Variants in LRPPRC observed in about 807,000 individuals in gnomAD.
LRPPRC encodes the protein leucine-rich PPR motif-containing protein, mitochondrial.
A neutral mutation model predicts 180.3 loss-of-function variants in LRPPRC; 120 were observed. The observed-to-expected ratio is 0.67, with a 90% CI of 0.57 to 0.77. The LOEUF is 0.77. Among genes scored for constraint, LRPPRC ranks in the 30% least tolerant of loss-of-function variants. LRPPRC has a pLI of 0.00. For synonymous variants in LRPPRC, 723 were observed against 600.0 expected (o/e 1.21, Z -3.00); for missense variants, 2,012 against 1,657.2 (o/e 1.21, Z -3.72).
intron 12 of LRPPRC, among the ~76,000 whole-genome samples, chr2:43,963,158 T>C (rs186977379): frequency 3.1e-3 from 470 of 152,326 alleles, no homozygotes; most frequent in African/African-American, 0.011. Flanking sequence ...GAAAATTGTA[T>C]ACAGGGCCAG....
At chr2:43,988,098 G>A (rs529594954) in intron 1 of LRPPRC, among the ~76,000 whole-genome samples, 1 of 152,008 alleles carries the variant, frequency 6.6e-6, no homozygotes, top group African/African-American at 2.4e-5. Flanking sequence ...AAATAAGCCG[G>A]GCATGGTGGC....
rs916142093 is a variant in LRPPRC at position 43,984,424 on chromosome 2, G to C, written c.150-1990C>G. ...AGGCAGAAAACATGTTTATAAACTA[G>C]CACATTGTTCTGAATATTCTAGGCA... On this transcript the variant is annotated intron_variant, in intron 1 of 37. Transcript: ENST00000260665. Among the ~76,000 whole-genome samples the C allele has an allele frequency of 3.3e-5, 5 of 152,150 alleles. No homozygotes were observed. In the East Asian group the frequency reaches 7.7e-4, roughly 23 times the overall value.
At chr2:43,991,852 G>T (rs898462733) in intron 1 of LRPPRC, among the ~76,000 whole-genome samples, 9 of 152,150 alleles carry the variant, frequency 5.9e-5, no homozygotes, top group African/African-American at 1.7e-4. Context: ...TCAAGCTCAG[G>T]GTGAATTTGT....
At chr2:43,935,059 T>C (rs1672229171) in intron 23 of LRPPRC, among the ~76,000 whole-genome samples, 181 bp from the exon 24 acceptor site, 2 of 152,182 alleles carry the variant, frequency 1.3e-5, no homozygotes, top group African/African-American at 2.4e-5. Flanking sequence ...TATAAGTAAA[T>C]GTTCAGAAAA....
At position 43,979,485 on chromosome 2, in the gene LRPPRC, T is replaced by C. The variant is rs374613959; in HGVS notation, c.469+341A>G. Among the ~76,000 whole-genome samples the C allele has an allele frequency of 1.3e-4, 20 of 152,308 alleles. No homozygotes were observed. In the East Asian group the frequency reaches 2.7e-3, roughly 21 times the overall value. On this transcript the variant is annotated intron_variant, in intron 3 of 37. Coordinates refer to ENST00000260665, the MANE Select transcript of LRPPRC (RefSeq NM_133259.4). Reference sequence around the variant, plus strand: ...TACAAACAAGCTACAATGAAGAATATCCTTTTGCATATGTGAGTATATCTG... The same window carrying C: ...TACAAACAAGCTACAATGAAGAATACCCTTTTGCATATGTGAGTATATCTG...
rs1300632190 is a variant in LRPPRC, at chr2:43,995,910, C to G, written c.38G>C (p.Arg13Pro). ...ALLRSARWLL[R>P]AGAAPRLPLS... ...CGGGAGGCGCGGGGCCGCCCCGGCA[C>G]GCAGCAACCAACGCGCGGATCTCAG... Residue 13 changes from arginine (R) to proline (P), a missense_variant, in exon 1 of 38, where the codon CGT (arginine) becomes CCT (proline). By Grantham distance (103) the Arg-to-Pro change is moderately radical. Coordinates refer to ENST00000260665, the MANE Select transcript of LRPPRC (RefSeq NM_133259.4). 1.3e-6 allele frequency: 2 copies of G among 1,516,316 alleles called. No homozygotes were observed. The highest frequency in any genetic ancestry group is 1.8e-6 in the Non-Finnish European group (2 of 1,139,626). The allele number at this position is 1,516,316 out of a possible 1,614,324, so 93.9% of individuals were successfully genotyped here. A position where few individuals can be genotyped will look rare whatever the true frequency, so the allele number is the denominator to read the frequency against.
intron 27 of LRPPRC, among the ~76,000 whole-genome samples, chr2:43,918,804 TATATAG>T (rs1442867095): frequency 1.5e-5 from 2 of 136,542 alleles, no homozygotes; most frequent in Non-Finnish European, 3.0e-5. Context: ...TATATATATA[TATATAG>T]ATATATATAT....
At chr2:43,890,142 C>G (rs1192612573) in intron 36 of LRPPRC, 1 of 493,498 alleles carries the variant, frequency 2.0e-6, no homozygotes, top group Admixed American at 3.3e-5. Context: ...ATACCATTCA[C>G]TTAGGTTATT....
chr2:43,967,534 A>T (rs1348432151), intron 11 of LRPPRC, among the ~76,000 whole-genome samples: 2 of 152,166 alleles, frequency 1.3e-5, no homozygotes, highest in Non-Finnish European at 2.9e-5. Flanking sequence ...ATGTAAAAAT[A>T]ATGTTTTTAA....
At position 43,905,817 on chromosome 2, in the gene LRPPRC, A is replaced by G. The variant is rs1671050176; in HGVS notation, c.3276-37T>C. On this transcript the variant is annotated intron_variant, in intron 30 of 37. Transcript: ENST00000260665. Reference sequence around the variant, plus strand: ...AGACATTTAGAAAGGAATTACTGACATGCTTCTGATACGATAATAAATGGT... The same window carrying G: ...AGACATTTAGAAAGGAATTACTGACGTGCTTCTGATACGATAATAAATGGT... 10 of 1,189,466 alleles carry G rather than the reference A, an allele frequency of 8.4e-6. 1 individual carries two copies. The highest frequency in any genetic ancestry group is 1.1e-5 in the Non-Finnish European group (9 of 791,848). The allele number at this position is 1,189,466 out of a possible 1,614,324, so 73.7% of individuals were successfully genotyped here.
At chr2:43,976,904 G>A (rs1300644904) in intron 5 of LRPPRC, 90 bp downstream of exon 5, 2 of 1,030,438 alleles carry the variant, frequency 1.9e-6, no homozygotes, top group Non-Finnish European at 3.0e-6. Context: ...TCCTCCATTA[G>A]GAAGAAGCTT....
Position 43,945,412 on chromosome 2 carries a change from C to G in LRPPRC, c.2216G>C (p.Arg739Pro). Residue 739 changes from arginine to proline, a missense_variant, in exon 22 of 38, where the codon CGC becomes CCC. Physicochemically the swap from Arg to Pro is moderately radical, Grantham distance 103. Coordinates refer to ENST00000260665, the MANE Select transcript of LRPPRC (RefSeq NM_133259.4). ...GTCAAGGACAGCAGATGAATCTAAGCGGTCACTAAAAATTAAAGCCACATT... is the reference window on the plus strand; with the variant it reads ...GTCAAGGACAGCAGATGAATCTAAGGGGTCACTAAAAATTAAAGCCACATT... Reference protein sequence around the residue: ...DALNLKEEFDRLDSSAVLDTG... With the variant: ...DALNLKEEFDPLDSSAVLDTG... The G allele has an allele frequency of 6.2e-7, 1 of 1,605,104 alleles. No individual in the cohort carries two copies.
rs1202515342 is a variant in LRPPRC, at chr2:43,918,128, C to A, written c.3045G>T (p.Trp1015Cys). 6.2e-7 allele frequency: 1 copy of A among 1,612,608 alleles called. No homozygotes were observed. The highest frequency in any genetic ancestry group is 8.5e-7 in the Non-Finnish European group (1 of 1,178,764). Reference protein sequence around the residue: ...QEVPFDVPELWYEDEKHSLNS... With the variant: ...QEVPFDVPELCYEDEKHSLNS... ...TCAGGGAATGTTTTTCATCTTCATA[C>A]CACAACTTTAAAACAAAGTTATTCT... Residue 1015 changes from tryptophan (W) to cysteine (C), a missense_variant, in exon 29 of 38, where the codon TGG (tryptophan) becomes TGT (cysteine). Transcript: ENST00000260665.
intron 1 of LRPPRC, among the ~76,000 whole-genome samples, chr2:43,995,259 C>A (rs1674979942): frequency 6.6e-6 from 1 of 152,198 alleles, no homozygotes; most frequent in South Asian, 2.1e-4. Context: ...AAACTCCATT[C>A]AAGAGAACGC....
chr2:43,996,101 G>A (rs1204977328), upstream of LRPPRC: 2 of 635,952 alleles, frequency 3.1e-6, no homozygotes, highest in Non-Finnish European at 5.3e-6. Context: ...ATGGAAAACC[G>A]CACTTCTCCG....
In LRPPRC at chr2:43,995,802, G is replaced by A; in HGVS notation, c.146C>T (p.Ala49Val). Residue 49 changes from alanine (A) to valine (V), a missense_variant, in exon 1 of 38, where the codon GCC becomes GTC. Physicochemically the swap from Ala to Val is moderately conservative, Grantham distance 64 (BLOSUM62 0). Coordinates refer to ENST00000260665, the MANE Select transcript of LRPPRC (RefSeq NM_133259.4). Reference protein sequence around the residue: ...YLPAARAGPVAGGLLSPARLY... With the variant: ...YLPAARAGPVVGGLLSPARLY... ...GAGAAAGGGCCTGGGCACTCACCCG[G>A]CCACGGGCCCGGCGCGAGCGGCGGG... The A allele has an allele frequency of 1.4e-6, 2 of 1,388,090 alleles. No homozygotes were observed. The highest frequency in any genetic ancestry group is 1.8e-6 in the Non-Finnish European group (2 of 1,082,996). The allele number at this position is 1,388,090 out of a possible 1,614,324, so 86.0% of individuals were successfully genotyped here.
intron 24 of LRPPRC, among the ~76,000 whole-genome samples, 160 bp from the exon 25 acceptor site, chr2:43,934,456 C>T (rs1054129951): frequency 6.6e-6 from 1 of 151,588 alleles, no homozygotes; most frequent in African/African-American, 2.4e-5. Flanking sequence ...AAGTACCTAA[C>T]AGAGTAGCTA....
intron 35 of LRPPRC, among the ~76,000 whole-genome samples, chr2:43,896,066 T>G (rs1670668316): frequency 1.3e-5 from 2 of 152,140 alleles, no homozygotes; most frequent in African/African-American, 2.4e-5. Context: ...ATTTACCTGA[T>G]GGTTTATACC....
chr2:43,934,634 G>C (rs1248936472), intron 24 of LRPPRC, 120 bp downstream of exon 24: 2 of 798,820 alleles, frequency 2.5e-6, no homozygotes, highest in Admixed American at 2.5e-5. Flanking sequence ...GATTTCACAA[G>C]TATAAAGAAA....
Sources: allele counts gnomAD v4.1 joint callset (sites outside exome capture counted in the v4.1 genomes callset), GRCh38; gene constraint gnomAD v4.1.1; transcripts MANE v1.5; gene names NCBI Gene and HGNC (gene_info 2026-07-23, HGNC 2026-07-21).